Variants in PTPRT observed in about 807,000 individuals in gnomAD.
PTPRT encodes protein tyrosine phosphatase receptor type T, also known as receptor-type tyrosine-protein phosphatase T.
Under a neutral mutation model 176.8 loss-of-function variants are expected in PTPRT, and 56 were observed. The observed-to-expected ratio is 0.32, with a 90% confidence interval of 0.26 to 0.40. PTPRT has a LOEUF of 0.40. Among genes scored for constraint, PTPRT ranks in the 10% least tolerant of loss-of-function variants. The pLI, the probability that PTPRT is intolerant of heterozygous loss-of-function variation, is 1.00. For synonymous variants in PTPRT, 783 were observed against 739.0 expected (o/e 1.06, Z -0.96); for missense variants, 1,540 against 1,908.2 (o/e 0.81, Z 3.60).
chr20:43,181,220 C>T (rs1172883744), intron 1 of PTPRT, among the ~76,000 whole-genome samples: 1 of 152,214 alleles, frequency 6.6e-6, no homozygotes, highest in African/African-American at 2.4e-5. Flanking sequence ...TCAAGCTGAA[C>T]TGACTGCAGC....
intron 7 of PTPRT, among the ~76,000 whole-genome samples, chr20:42,514,805 C>T (rs77516956): frequency 0.024 from 3,704 of 152,274 alleles, 108 homozygotes; most frequent in South Asian, 0.1. Flanking sequence ...ATTATTCTAT[C>T]GCTATGTAGG....
At chr20:42,461,135 C>T (rs2071011612) in intron 8 of PTPRT, among the ~76,000 whole-genome samples, 1 of 152,180 alleles carries the variant, frequency 6.6e-6, no homozygotes, top group African/African-American at 2.4e-5. Flanking sequence ...CGATACCAGC[C>T]TGACCAACAC....
intron 7 of PTPRT, among the ~76,000 whole-genome samples, chr20:42,481,777 AACACAC>A (rs11468323): frequency 0.25 from 35,510 of 144,454 alleles, 4,349 homozygotes; most frequent in East Asian, 0.36. Context: ...TACACACACA[AACACAC>A]ACACACACAC....
intron 1 of PTPRT, among the ~76,000 whole-genome samples, chr20:42,990,317 G>C (rs6030589): frequency 6.6e-6 from 1 of 152,148 alleles, no homozygotes; most frequent in Non-Finnish European, 1.5e-5. Flanking sequence ...CTCTGATTTA[G>C]ATACTGCATT....
At chr20:43,118,269 G>T (rs1307768621) in intron 1 of PTPRT, among the ~76,000 whole-genome samples, 4 of 152,114 alleles carry the variant, frequency 2.6e-5, no homozygotes, top group African/African-American at 9.7e-5. Flanking sequence ...CTAAAAGAAT[G>T]AGTAAATATT....
At chr20:42,195,758 T>C (rs1991191472) in intron 16 of PTPRT, among the ~76,000 whole-genome samples, 1 of 152,252 alleles carries the variant, frequency 6.6e-6, no homozygotes, top group Admixed American at 6.5e-5. Flanking sequence ...TATATATGAC[T>C]GTGTAGGTTT....
chr20:43,000,641 A>G (rs890013980), intron 1 of PTPRT, among the ~76,000 whole-genome samples: 1 of 152,242 alleles, frequency 6.6e-6, no homozygotes, highest in Non-Finnish European at 1.5e-5. Context: ...AAAAAAATCA[A>G]AACTTGAGAT....
intron 25 of PTPRT, among the ~76,000 whole-genome samples, chr20:42,103,775 G>T (rs1375674269): frequency 6.6e-6 from 1 of 152,214 alleles, no homozygotes; most frequent in African/African-American, 2.4e-5. Context: ...ATTCACACCT[G>T]TTTGTATAAA....
intron 6 of PTPRT, among the ~76,000 whole-genome samples, chr20:42,699,108 T>C (rs1304709629): frequency 6.6e-6 from 1 of 152,068 alleles, no homozygotes; most frequent in East Asian, 1.9e-4. Context: ...AAAAGCACAG[T>C]CTCAAGGGAC....
At chr20:42,903,662 G>A (rs1303964863) in intron 1 of PTPRT, among the ~76,000 whole-genome samples, 2 of 152,174 alleles carry the variant, frequency 1.3e-5, no homozygotes, top group African/African-American at 2.4e-5. Context: ...GTGTACCTTG[G>A]CCGTTAAGTG....
intron 2 of PTPRT, among the ~76,000 whole-genome samples, chr20:42,833,182 G>T (rs544444719): frequency 6.6e-6 from 1 of 151,168 alleles, no homozygotes; most frequent in East Asian, 2.0e-4. Context: ...TAACAAAGTT[G>T]TAAATTGAAA....
At chr20:42,673,727 C>G (rs2075451341) in intron 7 of PTPRT, among the ~76,000 whole-genome samples, 1 of 152,086 alleles carries the variant, frequency 6.6e-6, no homozygotes, top group Non-Finnish European at 1.5e-5. Flanking sequence ...GCCCCACCTC[C>G]TAATATCATC....
chr20:42,373,135 C>G (rs149590392), intron 9 of PTPRT, among the ~76,000 whole-genome samples: 1 of 152,152 alleles, frequency 6.6e-6, no homozygotes, highest in Non-Finnish European at 1.5e-5. Flanking sequence ...GTATACATTG[C>G]GTTATTTACT....
At chr20:42,155,987 T>G (rs964033885) in intron 17 of PTPRT, among the ~76,000 whole-genome samples, 1 of 152,222 alleles carries the variant, frequency 6.6e-6, no homozygotes, top group African/African-American at 2.4e-5. Flanking sequence ...TCCTGGCCCC[T>G]GTTGACAGTT....
chr20:42,798,772 A>C (rs2077488309), intron 2 of PTPRT, among the ~76,000 whole-genome samples: 1 of 152,158 alleles, frequency 6.6e-6, no homozygotes, highest in Admixed American at 6.5e-5. Context: ...TCAGCATTTC[A>C]TATGCAAATT....
rs1169402547 is a variant in PTPRT, at chr20:42,779,412, A to G, written c.568+806T>C. Among the ~76,000 whole-genome samples, 3 of 152,194 alleles carry G rather than the reference A, an allele frequency of 2.0e-5. No homozygotes were observed. In the East Asian group the frequency reaches 5.8e-4, roughly 29 times the overall value. ...GCCAAGAAACTACTGGGAATCTCCAATCTGCAGAACACTAACAAACTCATG... is the reference window on the plus strand; with the variant it reads ...GCCAAGAAACTACTGGGAATCTCCAGTCTGCAGAACACTAACAAACTCATG... On this transcript the variant is annotated intron_variant, in intron 4 of 30. Transcript: ENST00000373187.
intron 16 of PTPRT, among the ~76,000 whole-genome samples, chr20:42,167,397 T>C (rs1989875381): frequency 6.6e-6 from 1 of 152,220 alleles, no homozygotes; most frequent in Admixed American, 6.5e-5. Flanking sequence ...AGTTTCCTGA[T>C]GGCCCTTCCT....
chr20:42,260,729 G>A (rs1166989578), intron 13 of PTPRT, among the ~76,000 whole-genome samples: 3 of 152,134 alleles, frequency 2.0e-5, no homozygotes, highest in African/African-American at 7.2e-5. Context: ...ACCACAGCCT[G>A]GCTTGTGAAG....
rs374324545 is a variant in PTPRT at position 42,208,835 on chromosome 20, A to G, written c.2343-9447T>C. 5.3e-5 allele frequency among the ~76,000 whole-genome samples: 8 copies of G among 152,184 alleles called. No homozygotes were observed. The South Asian group carries it at 1.2e-3, about 24-fold the overall frequency. The stretch of plus-strand genomic sequence containing the variant: ...GAACTCTCCACCCCAAATCAACAGA[A>G]TATACATTTTTTTCAGCACCACACC... On this transcript the variant is annotated intron_variant, in intron 15 of 30. Transcript: ENST00000373187.
Sources: allele counts gnomAD v4.1 joint callset (sites outside exome capture counted in the v4.1 genomes callset), GRCh38; gene constraint gnomAD v4.1.1; transcripts MANE v1.5; gene names NCBI Gene and HGNC (gene_info 2026-07-23, HGNC 2026-07-21).